DLG2: variants seen among roughly 807,000 people sequenced by gnomAD.
DLG2 encodes the protein discs large MAGUK scaffold protein 2, also known as disks large homolog 2.
A neutral mutation model predicts 132.5 loss-of-function variants in DLG2; 45 were observed. The ratio of observed to expected loss-of-function variants is 0.34; its 90% CI spans 0.27 to 0.44. The LOEUF (loss-of-function observed/expected upper bound fraction) is 0.44. DLG2 is among the 20% of genes least tolerant of loss of function. The pLI is 1.00. For missense variants in DLG2, 1,045 were observed against 1,196.9 expected, an observed-to-expected ratio of 0.87 and a Z score of 1.87; for synonymous variants, 424 against 419.6, an observed-to-expected ratio of 1.01 and a Z score of -0.13.
At chr11:84,027,025 GT>G in intron 11 of DLG2, among the ~76,000 whole-genome samples, 1 of 152,072 alleles carries the variant, frequency 6.6e-6, no homozygotes, top group African/African-American at 2.4e-5. Context: ...GTGTCAATGG[GT>G]TTTAGGGTGG....
At chr11:84,007,845 T>C (rs1045523255) in intron 11 of DLG2, among the ~76,000 whole-genome samples, 1 of 151,736 alleles carries the variant, frequency 6.6e-6, no homozygotes, top group Non-Finnish European at 1.5e-5. Context: ...GGCTAATACT[T>C]ACCTCATAAT....
At chr11:84,540,785 C>A (rs1187168341) in intron 6 of DLG2, among the ~76,000 whole-genome samples, 5 of 152,130 alleles carry the variant, frequency 3.3e-5, no homozygotes, top group Non-Finnish European at 7.4e-5. Context: ...AGACTTGGAA[C>A]CAACCCAAAC....
chr11:84,216,397 G>A lies in DLG2; in HGVS notation c.573+34841C>T, dbSNP rs145798474. The stretch of plus-strand genomic sequence containing the variant: ...TATGTAATATAACCAAAGGAATAAC[G>A]CCAAGCAGGAGAGATCACGGGGGGC... On this transcript the variant is annotated intron_variant, in intron 8 of 27. Transcript: ENST00000376104. Among the ~76,000 whole-genome samples the A allele has an allele frequency of 1.8e-3, 268 of 152,114 alleles. 1 individual carries two copies. The highest frequency in any genetic ancestry group is 6.1e-3 in the African/African-American group (253 of 41,478).
rs370187030 is a variant in DLG2, at chr11:85,481,734, G to T, written c.40+116923C>A. ...ATCAGGCTAGCCCTCACAGCCACAG[G>T]CTTCAGGCCTGCCCCAGTACCAGGC... On this transcript the variant is annotated intron_variant, in intron 3 of 27. Coordinates refer to ENST00000376104, the MANE Select transcript of DLG2 (RefSeq NM_001142699.3). Among the ~76,000 whole-genome samples the T allele has an allele frequency of 3.3e-5, 5 of 152,148 alleles. No homozygotes were observed. The South Asian group carries it at 6.2e-4, about 19-fold the overall frequency.
intron 14 of DLG2, among the ~76,000 whole-genome samples, chr11:83,937,391 C>T (rs907135408): frequency 1.3e-5 from 2 of 151,548 alleles, no homozygotes; most frequent in Admixed American, 6.6e-5. Flanking sequence ...CCTGTAGTCC[C>T]AGCTACTCGG....
At chr11:83,938,393 G>A (rs2081964647) in intron 14 of DLG2, among the ~76,000 whole-genome samples, 1 of 152,152 alleles carries the variant, frequency 6.6e-6, no homozygotes, top group South Asian at 2.1e-4. Context: ...GAAAGAGAGT[G>A]AAAGGGGTGA....
chr11:85,373,756 T>A (rs2085176078), intron 3 of DLG2, among the ~76,000 whole-genome samples: 1 of 152,178 alleles, frequency 6.6e-6, no homozygotes, highest in Non-Finnish European at 1.5e-5. Flanking sequence ...TACTCACCCT[T>A]TAAACCATCT....
chr11:85,424,961 A>G (rs2090597976), intron 3 of DLG2, among the ~76,000 whole-genome samples: 1 of 152,114 alleles, frequency 6.6e-6, no homozygotes, highest in African/African-American at 2.4e-5. Flanking sequence ...AAAAGCCTGA[A>G]CTGACTAAGA....
intron 6 of DLG2, among the ~76,000 whole-genome samples, chr11:84,705,013 G>C (rs894607831): frequency 3.3e-5 from 5 of 151,408 alleles, no homozygotes; most frequent in Non-Finnish European, 7.4e-5. Context: ...AAGGATTTGA[G>C]GTGGCTTGCT....
chr11:83,908,554 C>T (rs1347121497), intron 15 of DLG2, among the ~76,000 whole-genome samples: 1 of 152,074 alleles, frequency 6.6e-6, no homozygotes, highest in African/African-American at 2.4e-5. Flanking sequence ...CTGCCTCACA[C>T]CCACGATTAG....
chr11:83,842,978 A>G (rs1261426353), intron 16 of DLG2, among the ~76,000 whole-genome samples: 1 of 152,158 alleles, frequency 6.6e-6, no homozygotes, highest in Admixed American at 6.5e-5. Flanking sequence ...GGTAGTGGGA[A>G]TTAAGATATA....
At chr11:83,889,975 G>A (rs2069235297) in intron 15 of DLG2, among the ~76,000 whole-genome samples, 1 of 111,868 alleles carries the variant, frequency 8.9e-6, no homozygotes, top group African/African-American at 3.3e-5. Flanking sequence ...TGGGGGGAGG[G>A]GGGAGGGATA....
intron 22 of DLG2, among the ~76,000 whole-genome samples, chr11:83,478,348 ATAAT>A (rs2092794714): frequency 6.6e-6 from 1 of 152,056 alleles, no homozygotes; most frequent in Non-Finnish European, 1.5e-5. Context: ...GCCAATAGAG[ATAAT>A]TAGATTCCAT....
chr11:84,735,423 G>A (rs373903713), intron 6 of DLG2, among the ~76,000 whole-genome samples: 28 of 152,076 alleles, frequency 1.8e-4, no homozygotes, highest in Admixed American at 1.1e-3. Context: ...GTTTATTTAC[G>A]TAGAGGTGTT....
At chr11:85,273,071 A>G (rs1327138344) in intron 4 of DLG2, among the ~76,000 whole-genome samples, 1 of 152,218 alleles carries the variant, frequency 6.6e-6, no homozygotes, top group Non-Finnish European at 1.5e-5. Context: ...CTGAAACTGG[A>G]TCCCTTCCTT....
intron 19 of DLG2, among the ~76,000 whole-genome samples, chr11:83,569,114 T>G (rs570737003): frequency 6.6e-6 from 1 of 152,302 alleles, no homozygotes; most frequent in East Asian, 1.9e-4. Context: ...CTTTGGGTGG[T>G]AGTATTCCTG....
At chr11:85,339,890 G>T in intron 3 of DLG2, among the ~76,000 whole-genome samples, 1 of 152,282 alleles carries the variant, frequency 6.6e-6, no homozygotes, top group African/African-American at 2.4e-5. Flanking sequence ...ATGAAAAAAT[G>T]CTCATCATCA....
chr11:85,575,595 C>A (rs911185346), intron 3 of DLG2, among the ~76,000 whole-genome samples: 1 of 151,560 alleles, frequency 6.6e-6, no homozygotes, highest in Admixed American at 6.6e-5. Flanking sequence ...TCCTGGTATT[C>A]CTGGAATGAT....
intron 6 of DLG2, among the ~76,000 whole-genome samples, chr11:84,600,865 T>G (rs1408073140): frequency 6.6e-6 from 1 of 152,194 alleles, no homozygotes; most frequent in Non-Finnish European, 1.5e-5. Flanking sequence ...CTTTTACAAC[T>G]TATCCCTCAA....
Sources: gnomAD v4.1 joint callset for allele counts (sites outside exome capture counted in the v4.1 genomes callset) on GRCh38, gnomAD v4.1.1 for gene constraint, MANE v1.5 for transcripts, NCBI Gene and HGNC (gene_info 2026-07-23, HGNC 2026-07-21) for gene names.